Variants in PABPC4L observed in about 807,000 individuals in gnomAD.
The protein encoded by PABPC4L is poly(A) binding protein cytoplasmic 4 like, also known as polyadenylate-binding protein 4-like.
For missense variants in PABPC4L, 452 were observed against 451.4 expected, an observed-to-expected ratio of 1.00 and a Z score of -0.01; for synonymous variants, 169 against 164.1, an observed-to-expected ratio of 1.03 and a Z score of -0.23.
At chr4:134,169,724 G>A in the PABPC4L span, among the ~76,000 whole-genome samples, 2 of 152,058 alleles carry the variant, frequency 1.3e-5, no homozygotes, top group South Asian at 2.1e-4. Flanking sequence ...AATATACTTG[G>A]CCAAATAAGT....
chr4:133,964,430 AAGAT>A, the PABPC4L span, among the ~76,000 whole-genome samples: 1 of 152,148 alleles, frequency 6.6e-6, no homozygotes, highest in Non-Finnish European at 1.5e-5. Context: ...ACTATTCCAC[AAGAT>A]AGTATAAAAG....
At chr4:134,098,919 C>T in the PABPC4L span, among the ~76,000 whole-genome samples, 11 of 151,546 alleles carry the variant, frequency 7.3e-5, no homozygotes, top group Non-Finnish European at 1.6e-4. Flanking sequence ...AACTGACTGT[C>T]GGAGTTCAGT....
chr4:134,013,227 C>T, the PABPC4L span, among the ~76,000 whole-genome samples: 3 of 151,894 alleles, frequency 2.0e-5, no homozygotes, highest in Non-Finnish European at 4.4e-5. Flanking sequence ...GGGGGAGGGG[C>T]AGGAACCCCG....
the PABPC4L span, among the ~76,000 whole-genome samples, chr4:134,093,897 G>A: frequency 6.6e-6 from 1 of 151,046 alleles, no homozygotes; most frequent in Non-Finnish European, 1.5e-5. Flanking sequence ...GTATATTTAT[G>A]TATTTACATT....
the PABPC4L span, among the ~76,000 whole-genome samples, chr4:134,026,031 T>C: frequency 6.6e-6 from 1 of 152,178 alleles, no homozygotes; most frequent in African/African-American, 2.4e-5. Flanking sequence ...TGGCAATATT[T>C]TAAAAGATTA....
the PABPC4L span, among the ~76,000 whole-genome samples, chr4:134,026,320 C>T: frequency 8.6e-5 from 13 of 151,790 alleles, no homozygotes; most frequent in Non-Finnish European, 1.6e-4. Context: ...GCTGCAACAT[C>T]CGCCTCCTGG....
At chr4:134,066,162 G>A in the PABPC4L span, among the ~76,000 whole-genome samples, 1 of 151,920 alleles carries the variant, frequency 6.6e-6, no homozygotes, top group African/African-American at 2.4e-5. Flanking sequence ...TAAATTGATG[G>A]GAAAGTATTG....
chr4:133,964,720 A>G, the PABPC4L span, among the ~76,000 whole-genome samples: 1 of 152,150 alleles, frequency 6.6e-6, no homozygotes, highest in African/African-American at 2.4e-5. Flanking sequence ...CAAAAATCAC[A>G]TGATCATCTC....
At chr4:134,172,695 T>TA in the PABPC4L span, among the ~76,000 whole-genome samples, 997 of 151,630 alleles carry the variant, frequency 6.6e-3, 10 homozygotes, top group African/African-American at 0.022. Context: ...TTCTGCACAG[T>TA]AAAAAAAACT....
the PABPC4L span, among the ~76,000 whole-genome samples, chr4:134,146,731 A>C: frequency 6.6e-6 from 1 of 152,050 alleles, no homozygotes; most frequent in Non-Finnish European, 1.5e-5. Context: ...CAGGGTTTTT[A>C]TGGGCTTAGA....
the PABPC4L span, among the ~76,000 whole-genome samples, chr4:134,173,742 G>A: frequency 6.6e-6 from 1 of 152,100 alleles, no homozygotes; most frequent in Non-Finnish European, 1.5e-5. Context: ...AATGATAAGT[G>A]CTTGAGGTGA....
At chr4:134,030,399 T>C in the PABPC4L span, among the ~76,000 whole-genome samples, 3 of 152,090 alleles carry the variant, frequency 2.0e-5, no homozygotes, top group African/African-American at 7.2e-5. Flanking sequence ...CCTTAATTCG[T>C]CTTGAATTGA....
At chr4:134,084,343 G>A in the PABPC4L span, among the ~76,000 whole-genome samples, 1 of 152,030 alleles carries the variant, frequency 6.6e-6, no homozygotes, top group Non-Finnish European at 1.5e-5. Context: ...ACCTCACCTG[G>A]CTACTTCTGT....
chr4:134,050,556 T>C, the PABPC4L span, among the ~76,000 whole-genome samples: 4 of 151,590 alleles, frequency 2.6e-5, no homozygotes, highest in African/African-American at 9.7e-5. Flanking sequence ...AATACAAAGA[T>C]TTGCCAGGTA....
At chr4:134,145,968 T>A in the PABPC4L span, among the ~76,000 whole-genome samples, 4 of 152,124 alleles carry the variant, frequency 2.6e-5, no homozygotes, top group East Asian at 7.7e-4. Flanking sequence ...AATATGGCAG[T>A]GGTAATTTGA....
chr4:134,139,292 A>G, the PABPC4L span, among the ~76,000 whole-genome samples: 8 of 152,088 alleles, frequency 5.3e-5, no homozygotes, highest in African/African-American at 1.9e-4. Context: ...CCAAGCAGCC[A>G]CTTTCTGGTA....
chr4:134,184,629 C>T, the PABPC4L span, among the ~76,000 whole-genome samples: 2 of 151,940 alleles, frequency 1.3e-5, no homozygotes, highest in African/African-American at 4.8e-5. Context: ...ACCACAGTAC[C>T]ACAGTGTATT....
the PABPC4L span, among the ~76,000 whole-genome samples, chr4:133,973,080 C>G: frequency 2.6e-5 from 4 of 152,098 alleles, no homozygotes; most frequent in Non-Finnish European, 5.9e-5. Context: ...TGTAAGATAT[C>G]TAGGTAGCCA....
chr4:133,967,660 T>C, the PABPC4L span, among the ~76,000 whole-genome samples: 3 of 152,294 alleles, frequency 2.0e-5, no homozygotes, highest in Admixed American at 6.5e-5. Context: ...GGGGAAAGAA[T>C]GCAATGAGGC....
Sources: gnomAD v4.1 joint callset for allele counts (sites outside exome capture counted in the v4.1 genomes callset) on GRCh38, gnomAD v4.1.1 for gene constraint, MANE v1.5 for transcripts, NCBI Gene and HGNC (gene_info 2026-07-23, HGNC 2026-07-21) for gene names.